Variants in C1orf21 observed in about 807,000 individuals in gnomAD.
C1orf21 encodes uncharacterized protein C1orf21.
A neutral mutation model predicts 18.7 loss-of-function variants in C1orf21; 3 were observed. The observed-to-expected ratio is 0.16, with a 90% CI of 0.07 to 0.42. C1orf21 has a LOEUF of 0.42. C1orf21 is among the 10% of genes least tolerant of loss of function. C1orf21 has a pLI of 0.99. For synonymous variants in C1orf21, 41 were observed against 46.4 expected, an observed-to-expected ratio of 0.88 and a Z score of 0.47; for missense variants, 104 against 143.6, an observed-to-expected ratio of 0.72 and a Z score of 1.41.
chr1:184,566,229 T>G (rs543166306), intron 3 of C1orf21, among the ~76,000 whole-genome samples: 5 of 152,270 alleles, frequency 3.3e-5, no homozygotes, highest in Non-Finnish European at 7.4e-5. Flanking sequence ...TGGCTGCATG[T>G]GCCAGGGAGT....
At chr1:184,557,847 T>A (rs550310631) in intron 3 of C1orf21, among the ~76,000 whole-genome samples, 1 of 152,296 alleles carries the variant, frequency 6.6e-6, no homozygotes, top group East Asian at 1.9e-4. Context: ...TCGTTGGCAG[T>A]ACAACCAGAT....
At chr1:184,474,837 C>G (rs1426479604) in intron 1 of C1orf21, among the ~76,000 whole-genome samples, 1 of 152,126 alleles carries the variant, frequency 6.6e-6, no homozygotes. Context: ...CCCATACTTC[C>G]TTTTTGAACA....
At chr1:184,423,711 C>G (rs1055069842) in intron 1 of C1orf21, among the ~76,000 whole-genome samples, 1 of 152,160 alleles carries the variant, frequency 6.6e-6, no homozygotes, top group African/African-American at 2.4e-5. Context: ...TCACTTCTTC[C>G]TTAAGCAGCT....
In C1orf21 at chr1:184,449,146, C is replaced by T. The variant is rs534334777; in HGVS notation, c.-124-28240C>T. ...ACATGTGCCATGTTGGTGTGCTGCA[C>T]CCATTAACTCGTCATTTACATTAGG... On this transcript the variant is annotated intron_variant, in intron 1 of 5. Coordinates refer to ENST00000235307, the MANE Select transcript of C1orf21 (RefSeq NM_030806.4). 1.0e-3 allele frequency among the ~76,000 whole-genome samples: 156 copies of T among 152,100 alleles called. 1 individual carries two copies. The highest frequency in any genetic ancestry group is 3.6e-3 in the African/African-American group (148 of 41,476).
intron 1 of C1orf21, among the ~76,000 whole-genome samples, chr1:184,434,092 C>T (rs1656816852): frequency 6.6e-6 from 1 of 152,132 alleles, no homozygotes; most frequent in Non-Finnish European, 1.5e-5. Flanking sequence ...ACTCTGGACC[C>T]GTCCTTCACT....
chr1:184,574,948 C>T lies in C1orf21; in HGVS notation c.190-15791C>T, dbSNP rs145564924. 2.2e-4 allele frequency among the ~76,000 whole-genome samples: 33 copies of T among 152,180 alleles called. No homozygotes were observed. In the East Asian group the frequency reaches 4.6e-3, roughly 21 times the overall value. ...GTCTTAGGGGAATGCACACCAAATT[C>T]GAGGGCAAGTGTGAAGAAAGAAAGT... is the stretch of plus-strand genomic sequence containing the variant. On this transcript the variant is annotated intron_variant, in intron 3 of 5. Transcript: ENST00000235307.
intron 1 of C1orf21, among the ~76,000 whole-genome samples, chr1:184,401,020 C>T (rs566311295): frequency 4.4e-4 from 67 of 152,264 alleles, no homozygotes; most frequent in African/African-American, 1.6e-3. Context: ...AAACATTGTA[C>T]AGCCTTTAGG....
chr1:184,586,171 T>C (rs1410259625), intron 3 of C1orf21, among the ~76,000 whole-genome samples: 1 of 152,238 alleles, frequency 6.6e-6, no homozygotes, highest in Non-Finnish European at 1.5e-5. Flanking sequence ...TAGTATCTCA[T>C]TGTGGTTTTG....
intron 3 of C1orf21, among the ~76,000 whole-genome samples, chr1:184,546,767 T>C (rs933707165): frequency 6.6e-6 from 1 of 152,166 alleles, no homozygotes; most frequent in African/African-American, 2.4e-5. Context: ...TGAAAACCTG[T>C]AGGCACATGG....
At chr1:184,407,046 C>T (rs1455291528) in intron 1 of C1orf21, among the ~76,000 whole-genome samples, 2 of 152,144 alleles carry the variant, frequency 1.3e-5, no homozygotes, top group Non-Finnish European at 2.9e-5. Context: ...TAGTAGCTTA[C>T]TGCAGCCTCA....
intron 5 of C1orf21, among the ~76,000 whole-genome samples, chr1:184,602,907 T>A (rs1435986243): frequency 6.6e-6 from 1 of 152,200 alleles, no homozygotes; most frequent in Non-Finnish European, 1.5e-5. Context: ...TCCTGAATAT[T>A]AAATAAAGAG....
intron 3 of C1orf21, among the ~76,000 whole-genome samples, chr1:184,521,137 G>A (rs776466570): frequency 4.6e-5 from 7 of 151,976 alleles, no homozygotes; most frequent in South Asian, 2.1e-4. Flanking sequence ...CACTCGCCTC[G>A]GCCTCCCAAA....
intron 2 of C1orf21, among the ~76,000 whole-genome samples, chr1:184,481,041 A>G (rs1657646932): frequency 6.6e-6 from 1 of 152,172 alleles, no homozygotes; most frequent in African/African-American, 2.4e-5. Context: ...GTAAGCACGT[A>G]GTTAGATAAG....
At chr1:184,583,193 T>C (rs1856562) in intron 3 of C1orf21, among the ~76,000 whole-genome samples, 88,291 of 151,924 alleles carry the variant, frequency 0.58, 27,871 homozygotes, top group African/African-American at 0.85. Context: ...TTGGGAGATA[T>C]CAAAGGGAAT....
At chr1:184,423,368 A>T (rs574455462) in intron 1 of C1orf21, among the ~76,000 whole-genome samples, 1 of 152,186 alleles carries the variant, frequency 6.6e-6, no homozygotes, top group East Asian at 1.9e-4. Context: ...ATGATGGAGG[A>T]TATATCCAAG....
At chr1:184,442,797 A>G (rs370836622) in intron 1 of C1orf21, among the ~76,000 whole-genome samples, 1 of 152,266 alleles carries the variant, frequency 6.6e-6, no homozygotes, top group East Asian at 1.9e-4. Context: ...AACTATTTAT[A>G]TATATAAAAA....
rs182729657 is a variant in C1orf21 at position 184,458,752 on chromosome 1, A to G, written c.-124-18634A>G. On this transcript the variant is annotated intron_variant, in intron 1 of 5. Coordinates refer to ENST00000235307, the MANE Select transcript of C1orf21 (RefSeq NM_030806.4). The stretch of plus-strand genomic sequence containing the variant: ...ATATGTGCCATAAAAAATCTTTAAA[A>G]AAGCAAACTTAGACTAATTCAGAGG... 5.1e-4 allele frequency among the ~76,000 whole-genome samples: 78 copies of G among 152,344 alleles called. 1 individual carries two copies. Among genetic ancestry groups the G allele is most frequent in the African/African-American group, 1.8e-3 (75 of 41,584 alleles).
intron 3 of C1orf21, among the ~76,000 whole-genome samples, chr1:184,565,887 T>C (rs948592457): frequency 6.6e-6 from 1 of 152,204 alleles, no homozygotes; most frequent in African/African-American, 2.4e-5. Flanking sequence ...CAAGTAAATA[T>C]TTTAACCAAT....
At position 184,606,712 on chromosome 1, in the gene C1orf21, A is replaced by T. The variant is rs535850125; in HGVS notation, c.327+8251A>T. On this transcript the variant is annotated intron_variant, in intron 5 of 5. Coordinates refer to ENST00000235307, the MANE Select transcript of C1orf21 (RefSeq NM_030806.4). ...TTCTTTGATCCATTTAATAAGCTTG[A>T]CATGAACATGTTCTCTGGACCTAGA... 4.6e-5 allele frequency among the ~76,000 whole-genome samples: 7 copies of T among 152,366 alleles called. No homozygotes were observed. The South Asian group carries it at 1.2e-3, about 27-fold the overall frequency.
Sources: allele counts gnomAD v4.1 joint callset (sites outside exome capture counted in the v4.1 genomes callset), GRCh38; gene constraint gnomAD v4.1.1; transcripts MANE v1.5; gene names NCBI Gene and HGNC (gene_info 2026-07-23, HGNC 2026-07-21).